Variants in STK26 observed in about 807,000 individuals in gnomAD.
The protein encoded by STK26 is serine/threonine-protein kinase 26.
A neutral mutation model predicts 34.7 loss-of-function variants in STK26; 14 were observed. That is an observed-to-expected ratio of 0.40 (90% CI 0.27 to 0.63). The LOEUF (loss-of-function observed/expected upper bound fraction) is 0.63. Ranked by LOEUF, STK26 falls within the 30% of genes least tolerant of loss-of-function variation. The pLI, the probability that STK26 is intolerant of heterozygous loss-of-function variation, is 0.38. For synonymous variants in STK26, 100 were observed against 109.8 expected (o/e 0.91, Z 0.56); for missense variants, 226 against 309.1 (o/e 0.73, Z 2.02).
At chrX:132,055,336 A>C in intron 3 of STK26, 1 of 660,798 alleles carries the variant, frequency 1.5e-6, no homozygotes, top group South Asian at 3.0e-5. Context: ...TGGTACTTAC[A>C]TTCCTTAGCA....
chrX:132,044,826 TATAG>T (rs1300319670), intron 2 of STK26, among the ~76,000 whole-genome samples: 5 of 60,033 alleles, frequency 8.3e-5, no homozygotes, highest in Admixed American at 7.3e-4. Flanking sequence ...TATTTATATA[TATAG>T]AGAGAGATCT....
intron 2 of STK26, among the ~76,000 whole-genome samples, chrX:132,026,827 A>C (rs181506811): frequency 8.4e-4 from 94 of 112,412 alleles, no homozygotes; most frequent in African/African-American, 3.0e-3. Context: ...TTTAAATATG[A>C]CCAAGGTGGT....
Position 132,072,321 on chromosome X carries a change from T to C in STK26, c.986T>C (p.Val329Ala). ...NTHPEWSFTT[V>A]RKKPDPKKVQ... ...CATCCTGAATGGAGCTTTACCACCG[T>C]ACGAAAGAAGCCTGATCCAAAGAAA... Residue 329 changes from valine (V) to alanine (A), a missense_variant, in exon 9 of 12, where the codon GTA (valine) becomes GCA (alanine). By Grantham distance (64) the Val-to-Ala change is moderately conservative (BLOSUM62 0). Transcript: ENST00000394334. 8.3e-7 allele frequency: 1 copy of C among 1,208,873 alleles called. No homozygotes were observed. Among genetic ancestry groups the C allele is most frequent in the Non-Finnish European group, 1.1e-6 (1 of 893,293 alleles).
intron 3 of STK26, among the ~76,000 whole-genome samples, chrX:132,061,492 G>A (rs1222480772): frequency 1.8e-5 from 2 of 111,948 alleles, no homozygotes; most frequent in African/African-American, 6.5e-5. Context: ...AAGACTCTCA[G>A]CTTTCTGCTC....
chrX:132,058,174 C>G (rs777857335), intron 3 of STK26, among the ~76,000 whole-genome samples: 2 of 111,162 alleles, frequency 1.8e-5, no homozygotes, highest in African/African-American at 6.6e-5. Flanking sequence ...AGTGATTACG[C>G]AGTCTCAGTA....
At chrX:132,032,918 G>A (rs1323795969) in intron 2 of STK26, among the ~76,000 whole-genome samples, 1 of 111,442 alleles carries the variant, frequency 9.0e-6, no homozygotes, top group Non-Finnish European at 1.9e-5. Context: ...AATACTTCAA[G>A]AACATCTAGA....
chrX:132,034,127 T>TAA (rs1556010795), intron 2 of STK26, among the ~76,000 whole-genome samples: 390 of 100,804 alleles, frequency 3.9e-3, no homozygotes, highest in African/African-American at 0.013. Flanking sequence ...TATATATATA[T>TAA]AAAATAAAAA....
chrX:132,023,463 T>A (rs898038879), intron 1 of STK26, 45 bp from the exon 2 acceptor site: 1 of 703,594 alleles, frequency 1.4e-6, no homozygotes, highest in Admixed American at 2.4e-5. Flanking sequence ...AGCCCCGGGC[T>A]ACGCGCCGCC....
chrX:132,060,512 G>T lies in STK26; in HGVS notation c.274-2921G>T, dbSNP rs181109092. On this transcript the variant is annotated intron_variant, in intron 3 of 11. Coordinates refer to ENST00000394334, the MANE Select transcript of STK26 (RefSeq NM_016542.4). ...GCAAAATATACTTAACACTAAATTT[G>T]CCATTTTAAGTGTACAGCTCTCTGG... Among the ~76,000 whole-genome samples the T allele has an allele frequency of 8.9e-3, 989 of 110,641 alleles. 9 individuals carry two copies. Among genetic ancestry groups the T allele is most frequent in the African/African-American group, 0.031 (942 of 30,495 alleles).
In STK26 at chrX:132,071,152, T is replaced by C; in HGVS notation, c.867T>C (p.Asp289=). The change falls in exon 8 of 12, where the codon GAT becomes GAC. Residue 289 remains aspartate (D), a synonymous_variant. Transcript: ENST00000394334. ...CTTCTTATCTGACTGAACTGATAGA[T>C]CGTTTTAAGAGATGGAAGGCAGAAG... ...KKTSYLTELI[D]RFKRWKAEGH... The C allele has an allele frequency of 8.3e-7, 1 of 1,209,922 alleles. No individual in the cohort carries two copies. The highest frequency in any genetic ancestry group is 1.1e-6 in the Non-Finnish European group (1 of 893,908).
chrX:132,069,451 ATT>A (rs1491184895), intron 6 of STK26, 25 bp from the exon 7 acceptor site: 8 of 208,502 alleles, frequency 3.8e-5, no homozygotes, highest in South Asian at 2.2e-4. Flanking sequence ...ATATATATAT[ATT>A]ATTTTCTTTT....
intron 2 of STK26, among the ~76,000 whole-genome samples, chrX:132,036,503 G>A (rs1361767759): frequency 9.0e-6 from 1 of 111,695 alleles, no homozygotes; most frequent in African/African-American, 3.3e-5. Flanking sequence ...GCTGAGGGAG[G>A]AGAATCACTT....
intron 2 of STK26, among the ~76,000 whole-genome samples, chrX:132,044,702 G>GAGATCTATATATATATTTATATATATAT (rs1926401110): frequency 3.2e-5 from 2 of 62,531 alleles, no homozygotes; most frequent in African/African-American, 1.2e-4. Flanking sequence ...GAGAGAGAGA[G>GAGATCTATATATATATTTATATATATAT]AGAGAGATCT....
rs755492595 is a variant in STK26 at position 132,074,175 on chromosome X, C to T, written c.*16C>T. ...ATCCCCCTAAGAAACTTATTATTGG[C>T]TTCTGTTTCATATGGACCCAGAGAG... is the stretch of plus-strand genomic sequence containing the variant. On this transcript the variant is annotated 3_prime_UTR_variant, in exon 12 of 12. Coordinates refer to ENST00000394334, the MANE Select transcript of STK26 (RefSeq NM_016542.4). The T allele has an allele frequency of 4.2e-6, 5 of 1,200,223 alleles. No individual in the cohort carries two copies. In the African/African-American group the frequency reaches 7.1e-5, roughly 17 times the overall value.
chrX:132,071,120 A>G lies in STK26; in HGVS notation c.835A>G (p.Lys279Glu). Residue 279 changes from lysine (K) to glutamate (E), a missense_variant, in exon 8 of 12, where the codon AAG (lysine) becomes GAG (glutamate). This residue lies in a region of STK26 where 126 missense variants were observed against 132.4 expected (regional missense o/e 0.95). Transcript: ENST00000394334. ...ACACAAATTCATTGTAAAAAATTCA[A>G]AGAAGACTTCTTATCTGACTGAACT... Reference protein sequence around the residue: ...LKHKFIVKNSKKTSYLTELID... With the variant: ...LKHKFIVKNSEKTSYLTELID... The G allele has an allele frequency of 8.3e-7, 1 of 1,208,494 alleles. No homozygotes were observed. The highest frequency in any genetic ancestry group is 3.0e-5 in the East Asian group (1 of 33,832).
intron 2 of STK26, among the ~76,000 whole-genome samples, chrX:132,028,941 C>T (rs566893028): frequency 4.5e-5 from 5 of 112,127 alleles, no homozygotes; most frequent in African/African-American, 1.3e-4. Flanking sequence ...TTGGTGAACC[C>T]GAATTATTGT....
intron 2 of STK26, among the ~76,000 whole-genome samples, chrX:132,045,791 C>T (rs926568163): frequency 2.0e-4 from 22 of 112,136 alleles, no homozygotes; most frequent in African/African-American, 7.1e-4. Context: ...TTTAAGGGAA[C>T]TTCAGATCCC....
At chrX:132,057,763 T>C (rs767566689) in intron 3 of STK26, among the ~76,000 whole-genome samples, 5 of 112,186 alleles carry the variant, frequency 4.5e-5, no homozygotes, top group African/African-American at 1.6e-4. Context: ...GTAGAATGAA[T>C]CATTAAGCAG....
At chrX:132,070,146 C>T (rs915625541) in intron 7 of STK26, among the ~76,000 whole-genome samples, 2 of 110,088 alleles carry the variant, frequency 1.8e-5, no homozygotes, top group African/African-American at 6.6e-5. Flanking sequence ...ATTCTCCTGC[C>T]TCAGCCTCCC....
Sources: gnomAD v4.1 joint callset for allele counts (sites outside exome capture counted in the v4.1 genomes callset) on GRCh38, gnomAD v4.1.1 for gene constraint, gnomAD v4.1.1 regional missense constraint, MANE v1.5 for transcripts, NCBI Gene and HGNC (gene_info 2026-07-23, HGNC 2026-07-21) for gene names.